The following ZNF181 variants were observed in gnomAD, a reference collection of about 807,000 sequenced individuals.
The protein encoded by ZNF181 is zinc finger protein 181 (HHZ181).
ZNF181 carries 8 observed loss-of-function variants against 11.9 expected under a neutral mutation model. That is an observed-to-expected ratio of 0.67 (90% CI 0.39 to 1.21). The LOEUF (loss-of-function observed/expected upper bound fraction) is 1.21. Among genes scored for constraint, ZNF181 ranks in the 50% most tolerant of loss-of-function variants. ZNF181 has a pLI of 0.01. For missense variants in ZNF181, 542 were observed against 670.9 expected (o/e 0.81, Z 2.12); for synonymous variants, 202 against 221.1 (o/e 0.91, Z 0.77).
At position 34,734,654 on chromosome 19, in the gene ZNF181, A is replaced by T; in HGVS notation, c.-384A>T. 1 of 225,838 alleles carries T rather than the reference A, an allele frequency of 4.4e-6. No homozygotes were observed. Among genetic ancestry groups the T allele is most frequent in the Non-Finnish European group, 8.7e-6 (1 of 114,406 alleles). The allele number at this position is 225,838 out of a possible 1,614,324, so 14.0% of individuals were successfully genotyped here. On this transcript the variant is annotated 5_prime_UTR_variant, in exon 1 of 4. Coordinates refer to ENST00000492450, the MANE Select transcript of ZNF181 (RefSeq NM_001029997.4). ...AATGGGTTCAGTATCTTGGAATTTC[A>T]GTTTTGTCATCGTTTAAAAAATAGA... is the stretch of plus-strand genomic sequence containing the variant.
Position 34,734,612 on chromosome 19 carries a change from T to C in ZNF181, c.-426T>C, listed in dbSNP as rs2068860166. Reference sequence around the variant, plus strand: ...TCGTCATGAAGCCGGCGCTCTACAGTTGTGTAACCTTGAACAAATGGGTTC... The same window carrying C: ...TCGTCATGAAGCCGGCGCTCTACAGCTGTGTAACCTTGAACAAATGGGTTC... On this transcript the variant is annotated 5_prime_UTR_variant, in exon 1 of 4. Transcript: ENST00000492450. The C allele has an allele frequency of 5.9e-6, 1 of 169,376 alleles. No individual in the cohort carries two copies. The highest frequency in any genetic ancestry group is 1.3e-5 in the Non-Finnish European group (1 of 78,490). 10.5% of individuals were successfully genotyped at this position (169,376 alleles called of 1,614,324 possible). A position where few individuals can be genotyped will look rare whatever the true frequency, so the allele number is the denominator to read the frequency against.
At position 34,739,175 on chromosome 19, in the gene ZNF181, T is replaced by G; in HGVS notation, c.37T>G (p.Phe13Val). 6.2e-7 allele frequency: 1 copy of G among 1,613,756 alleles called. No homozygotes were observed. Residue 13 changes from phenylalanine (F) to valine (V), a missense_variant, in exon 2 of 4, where the codon TTC becomes GTC. Phe to Val is a conservative substitution (Grantham distance 50, BLOSUM62 -1). Transcript: ENST00000492450. ...GACATTTAATGATGTGGCTATAGAC[T>G]TCACTCATGAAGAGTGGGGATGGCT... ...QVTFNDVAID[F>V]THEEWGWLSS...
In ZNF181 at chr19:34,741,907, G is replaced by A; in HGVS notation, c.1526G>A (p.Arg509Lys). ...SCSSNLTVHQ[R>K]IHTGEKPYKC... ...AGTTCAAACCTTACCGTACATCAGA[G>A]AATTCACACTGGAGAAAAGCCATAT... Residue 509 changes from arginine (R) to lysine (K), a missense_variant, in exon 4 of 4, where the codon AGA becomes AAA. Arg to Lys is a conservative substitution (Grantham distance 26, BLOSUM62 2). Coordinates refer to ENST00000492450, the MANE Select transcript of ZNF181 (RefSeq NM_001029997.4). 1 of 1,613,824 alleles carries A rather than the reference G, an allele frequency of 6.2e-7. No homozygotes were observed.
intron 1 of ZNF181, 27 bp downstream of exon 1, chr19:34,735,073 C>T: frequency 1.9e-6 from 3 of 1,566,340 alleles, no homozygotes; most frequent in Non-Finnish European, 2.6e-6. Context: ...GCAAATCTTC[C>T]TGAAACACTT....
chr19:34,735,603 G>A (rs1022274702), intron 1 of ZNF181, among the ~76,000 whole-genome samples: 2 of 152,190 alleles, frequency 1.3e-5, no homozygotes, highest in Non-Finnish European at 2.9e-5. Context: ...TCTCAGTACA[G>A]CTGTGACCGT....
At chr19:34,738,652 C>G (rs1221846491) in intron 1 of ZNF181, among the ~76,000 whole-genome samples, 2 of 151,950 alleles carry the variant, frequency 1.3e-5, no homozygotes, top group Non-Finnish European at 2.9e-5. Context: ...CTCAGCCTCC[C>G]AAGTAGTTGG....
intron 1 of ZNF181, among the ~76,000 whole-genome samples, chr19:34,737,054 T>TA (rs2145415682): frequency 6.6e-6 from 1 of 152,380 alleles, no homozygotes; most frequent in South Asian, 2.1e-4. Context: ...TGTAAGGTCT[T>TA]ACTTGATTAT....
At position 34,740,613 on chromosome 19, in the gene ZNF181, T is replaced by C; in HGVS notation, c.232T>C (p.Trp78Arg). 6.4e-7 allele frequency: 1 copy of C among 1,555,548 alleles called. No individual in the cohort carries two copies. The highest frequency in any genetic ancestry group is 1.4e-5 in the African/African-American group (1 of 72,438). Residue 78 changes from tryptophan (W) to arginine (R), a missense_variant and splice_region_variant, in exon 4 of 4, where the codon TGG becomes CGG. By Grantham distance (101) the Trp-to-Arg change is moderately radical. Coordinates refer to ENST00000492450, the MANE Select transcript of ZNF181 (RefSeq NM_001029997.4). The part of the protein sequence containing the change: ...KKLSKGMIPD[W>R]ESRWENKELS... ...TTTGCTTTTTTGATGTATTTCAGAT[T>C]GGGAATCAAGATGGGAAAACAAGGA... is the stretch of plus-strand genomic sequence containing the variant.
At chr19:34,739,036 A>G in intron 1 of ZNF181, 112 bp from the exon 2 acceptor site, 1 of 1,499,176 alleles carries the variant, frequency 6.7e-7, no homozygotes. Context: ...AATCATTGCC[A>G]CAACTCCTGA....
At chr19:34,737,989 C>T (rs528865708) in intron 1 of ZNF181, among the ~76,000 whole-genome samples, 49 of 152,242 alleles carry the variant, frequency 3.2e-4, no homozygotes, top group African/African-American at 9.4e-4. Context: ...GTTATGTACC[C>T]CTAACCATCA....
rs762447937 is a variant in ZNF181 at position 34,739,203 on chromosome 19, G to A, written c.65G>A (p.Ser22Asn). Residue 22 changes from serine (S) to asparagine (N), a missense_variant, in exon 2 of 4, where the codon AGT becomes AAT. Coordinates refer to ENST00000492450, the MANE Select transcript of ZNF181 (RefSeq NM_001029997.4). Reference sequence around the variant, plus strand: ...ACTCATGAAGAGTGGGGATGGCTCAGTTCTGCTCAGAGGGACTTATACAAG... The same window carrying A: ...ACTCATGAAGAGTGGGGATGGCTCAATTCTGCTCAGAGGGACTTATACAAG... The part of the protein sequence containing the change: ...DFTHEEWGWL[S>N]SAQRDLYKDV... The A allele has an allele frequency of 6.2e-6, 10 of 1,613,866 alleles. No individual in the cohort carries two copies. Among genetic ancestry groups the A allele is most frequent in the East Asian group, 2.2e-5 (1 of 44,884 alleles).
At chr19:34,738,498 A>G (rs926130348) in intron 1 of ZNF181, among the ~76,000 whole-genome samples, 1 of 151,952 alleles carries the variant, frequency 6.6e-6, no homozygotes, top group African/African-American at 2.4e-5. Context: ...CAATCAAACC[A>G]TAACAGTGTA....
chr19:34,741,559 C>T lies in ZNF181; in HGVS notation c.1178C>T (p.Thr393Ile), dbSNP rs188931981. The T allele has an allele frequency of 6.2e-7, 1 of 1,614,006 alleles. No individual in the cohort carries two copies. The highest frequency in any genetic ancestry group is 8.5e-7 in the Non-Finnish European group (1 of 1,179,980). The change falls in exon 4 of 4, where the codon ACT (threonine) becomes ATT (isoleucine). Residue 393 changes from threonine to isoleucine, a missense_variant. Transcript: ENST00000492450. ...GKAFCCSSHLTRHQRIHTMEK... is the reference protein window; with the variant it reads ...GKAFCCSSHLIRHQRIHTMEK... The stretch of plus-strand genomic sequence containing the variant: ...GCTTTCTGCTGTAGCTCACACCTTA[C>T]TCGACATCAAAGAATTCACACTATG...
Position 34,734,369 on chromosome 19 carries a change from C to T in ZNF181, c.-669C>T, listed in dbSNP as rs544607485. On this transcript the variant is annotated 5_prime_UTR_variant, in exon 1 of 4. Coordinates refer to ENST00000492450, the MANE Select transcript of ZNF181 (RefSeq NM_001029997.4). Reference sequence around the variant, plus strand: ...GGGCGCCTGCGGGGACGGTGAGGCCCTGCTGAGGACTCCGGCCAGTATGAG... The same window carrying T: ...GGGCGCCTGCGGGGACGGTGAGGCCTTGCTGAGGACTCCGGCCAGTATGAG... 24 of 152,624 alleles carry T rather than the reference C, an allele frequency of 1.6e-4. No homozygotes were observed. The highest frequency in any genetic ancestry group is 5.5e-4 in the African/African-American group (23 of 41,582). The allele number at this position is 152,624 out of a possible 1,614,324, so 9.5% of individuals were successfully genotyped here.
rs2069021052 is a variant in ZNF181 at position 34,745,073 on chromosome 19, G to T, written c.*2976G>T. ...CAATAAGAGACTATTACTTTGTTATGATAGAAGGTTGGGCTGATGTCATAA... is the reference window on the plus strand; with the variant it reads ...CAATAAGAGACTATTACTTTGTTATTATAGAAGGTTGGGCTGATGTCATAA... On this transcript the variant is annotated 3_prime_UTR_variant, in exon 4 of 4. Coordinates refer to ENST00000492450, the MANE Select transcript of ZNF181 (RefSeq NM_001029997.4). 6.6e-6 allele frequency: 1 copy of T among 152,194 alleles called. No homozygotes were observed. The highest frequency in any genetic ancestry group is 1.5e-5 in the Non-Finnish European group (1 of 68,016). 9.4% of individuals were successfully genotyped at this position (152,194 alleles called of 1,614,324 possible).
In ZNF181 at chr19:34,734,804, G is replaced by A; in HGVS notation, c.-234G>A. 1 of 518,404 alleles carries A rather than the reference G, an allele frequency of 1.9e-6. No individual in the cohort carries two copies. Among genetic ancestry groups the A allele is most frequent in the Non-Finnish European group, 3.4e-6 (1 of 292,316 alleles). 32.1% of individuals were successfully genotyped at this position (518,404 alleles called of 1,614,324 possible). ...TTGATTTTCCTCGCAGGTGGCACCTGGTAAATGGTTAGCCCTTGCGGAGAA... is the reference window on the plus strand; with the variant it reads ...TTGATTTTCCTCGCAGGTGGCACCTAGTAAATGGTTAGCCCTTGCGGAGAA... On this transcript the variant is annotated 5_prime_UTR_variant, in exon 1 of 4. Coordinates refer to ENST00000492450, the MANE Select transcript of ZNF181 (RefSeq NM_001029997.4).
In ZNF181 at chr19:34,739,533, T is replaced by G; in HGVS notation, c.141T>G (p.Ser47=). ...TATTCTTCCTGTAAGCAGGTCTTTC[T>G]GTAACTAAGCCATATGTGATCACGT... The part of the protein sequence containing the change: ...YENLVSVAGL[S]VTKPYVITLL... The change falls in exon 3 of 4, where the codon TCT becomes TCG. Residue 47 remains serine, a synonymous_variant. Transcript: ENST00000492450. The G allele has an allele frequency of 6.2e-7, 1 of 1,614,048 alleles. No individual in the cohort carries two copies. The highest frequency in any genetic ancestry group is 2.2e-5 in the East Asian group (1 of 44,880).
At position 34,745,057 on chromosome 19, in the gene ZNF181, A is replaced by T. The variant is rs2069020986; in HGVS notation, c.*2960A>T. 6.6e-6 allele frequency: 1 copy of T among 152,192 alleles called. No individual in the cohort carries two copies. 9.4% of individuals were successfully genotyped at this position (152,192 alleles called of 1,614,324 possible). On this transcript the variant is annotated 3_prime_UTR_variant, in exon 4 of 4. Coordinates refer to ENST00000492450, the MANE Select transcript of ZNF181 (RefSeq NM_001029997.4). ...GATAGTTTTAAGAGAGCAATAAGAGACTATTACTTTGTTATGATAGAAGGT... is the reference window on the plus strand; with the variant it reads ...GATAGTTTTAAGAGAGCAATAAGAGTCTATTACTTTGTTATGATAGAAGGT...
At chr19:34,739,666 G>A in intron 3 of ZNF181, 45 bp downstream of exon 3, 1 of 1,604,746 alleles carries the variant, frequency 6.2e-7, no homozygotes. Context: ...GTTAAAAAGG[G>A]TCCCAAACTC....
Sources: gnomAD v4.1 joint callset for allele counts (sites outside exome capture counted in the v4.1 genomes callset) on GRCh38, gnomAD v4.1.1 for gene constraint, MANE v1.5 for transcripts, NCBI Gene and HGNC (gene_info 2026-07-23, HGNC 2026-07-21) for gene names.